MIPOL1: variants seen among roughly 807,000 people sequenced by gnomAD.
MIPOL1 encodes the protein mirror-image polydactyly 1, also known as mirror-image polydactyly gene 1 protein.
In MIPOL1, 57 loss-of-function variants were observed where a neutral mutation model predicts 60.9. The observed-to-expected ratio is 0.94, with a 90% CI of 0.76 to 1.17. The LOEUF is 1.17. Ranked by LOEUF, MIPOL1 falls within the 50% of genes most tolerant of loss-of-function variation. The pLI is 0.00. For synonymous variants in MIPOL1, 179 were observed against 168.8 expected, an observed-to-expected ratio of 1.06 and a Z score of -0.47; for missense variants, 551 against 511.6, an observed-to-expected ratio of 1.08 and a Z score of -0.74.
chr14:37,423,893 C>T (rs917402559), intron 11 of MIPOL1: 1 of 151,958 alleles, frequency 6.6e-6, no homozygotes, highest in African/African-American at 2.4e-5. Flanking sequence ...GCAGCAAGTC[C>T]ATTAACAACT....
chr14:37,443,730 T>A (rs1378278632), intron 11 of MIPOL1, among the ~76,000 whole-genome samples: 1 of 140,740 alleles, frequency 7.1e-6, no homozygotes, highest in African/African-American at 2.8e-5. Context: ...CAGGCCAAAG[T>A]CCTTCATGAT....
chr14:37,364,749 T>G (rs1470597067), intron 9 of MIPOL1, among the ~76,000 whole-genome samples: 1 of 152,194 alleles, frequency 6.6e-6, no homozygotes, highest in Non-Finnish European at 1.5e-5. Flanking sequence ...GTTTTTTCTA[T>G]TTCTGTGAAG....
chr14:37,451,655 A>T (rs1468778184), intron 11 of MIPOL1, among the ~76,000 whole-genome samples: 1 of 152,082 alleles, frequency 6.6e-6, no homozygotes, highest in Non-Finnish European at 1.5e-5. Context: ...AAAAGCATTG[A>T]CATCCAATTG....
chr14:37,380,044 A>G (rs2092884398), intron 10 of MIPOL1, among the ~76,000 whole-genome samples: 1 of 152,086 alleles, frequency 6.6e-6, no homozygotes, highest in Non-Finnish European at 1.5e-5. Context: ...TGGAATTGGG[A>G]TACTGAAAGG....
chr14:37,533,366 A>G (rs2095490690), intron 12 of MIPOL1, among the ~76,000 whole-genome samples: 1 of 152,194 alleles, frequency 6.6e-6, no homozygotes, highest in Admixed American at 6.5e-5. Context: ...GAAAAAGCCT[A>G]TGAGAACAGT....
chr14:37,500,401 T>C (rs1470528455), intron 12 of MIPOL1, among the ~76,000 whole-genome samples: 2 of 152,146 alleles, frequency 1.3e-5, no homozygotes, highest in Non-Finnish European at 2.9e-5. Context: ...GGCCATACTA[T>C]TTAAATCATT....
intron 11 of MIPOL1, among the ~76,000 whole-genome samples, chr14:37,452,897 A>G (rs1010098391): frequency 2.0e-5 from 3 of 152,182 alleles, no homozygotes; most frequent in Non-Finnish European, 4.4e-5. Flanking sequence ...AATGTCAAGT[A>G]GCAGGATGTT....
chr14:37,285,554 C>A, intron 7 of MIPOL1, 107 bp downstream of exon 7: 1 of 1,079,066 alleles, frequency 9.3e-7, no homozygotes, highest in Non-Finnish European at 1.3e-6. Context: ...ATGTGTTACA[C>A]TAGGAAATTG....
chr14:37,491,045 A>G (rs2095040526), intron 11 of MIPOL1, among the ~76,000 whole-genome samples: 1 of 152,208 alleles, frequency 6.6e-6, no homozygotes, highest in Non-Finnish European at 1.5e-5. Context: ...TATGTGTTAT[A>G]TGACAAAATT....
At chr14:37,339,266 A>G (rs939202307) in intron 9 of MIPOL1, among the ~76,000 whole-genome samples, 4 of 152,262 alleles carry the variant, frequency 2.6e-5, no homozygotes. Context: ...ACTACATCAC[A>G]TGCACTATGG....
chr14:37,421,581 T>G (rs2093873641), intron 10 of MIPOL1, among the ~76,000 whole-genome samples: 1 of 152,114 alleles, frequency 6.6e-6, no homozygotes, highest in African/African-American at 2.4e-5. Flanking sequence ...GAATGTTTTA[T>G]CTCTAATTAT....
chr14:37,337,159 T>C (rs946169281), intron 9 of MIPOL1, among the ~76,000 whole-genome samples: 1 of 151,340 alleles, frequency 6.6e-6, no homozygotes, highest in Non-Finnish European at 1.5e-5. Context: ...CAAAACATTG[T>C]TCCATATTGT....
rs868322879 is a variant in MIPOL1, at chr14:37,360,699, C to G, written c.829-8818C>G. 6.9e-4 allele frequency among the ~76,000 whole-genome samples: 105 copies of G among 152,022 alleles called. 1 individual carries two copies. The highest frequency in any genetic ancestry group is 2.4e-3 in the African/African-American group (100 of 41,484). ...CATTTTTTATTGCGTCTGTTTGATT[C>G]TTCCCTCTTTTGTTCTTTATTGGTC... is the stretch of plus-strand genomic sequence containing the variant. On this transcript the variant is annotated intron_variant, in intron 9 of 12. Coordinates refer to ENST00000684589, the MANE Select transcript of MIPOL1 (RefSeq NM_001388067.1).
chr14:37,512,194 G>T (rs893603532), intron 12 of MIPOL1, among the ~76,000 whole-genome samples: 2 of 151,850 alleles, frequency 1.3e-5, no homozygotes, highest in African/African-American at 4.8e-5. Flanking sequence ...GCTGTTTAAA[G>T]TCTTTTCTGC....
intron 1 of MIPOL1, among the ~76,000 whole-genome samples, chr14:37,199,814 C>G (rs1429530040): frequency 6.6e-6 from 1 of 152,152 alleles, no homozygotes; most frequent in Non-Finnish European, 1.5e-5. Flanking sequence ...TGTGAACCAT[C>G]GCGCCTGGCC....
intron 1 of MIPOL1, among the ~76,000 whole-genome samples, chr14:37,239,154 T>C (rs1971970665): frequency 6.6e-6 from 1 of 150,872 alleles, no homozygotes; most frequent in African/African-American, 2.4e-5. Context: ...CACACCTTTC[T>C]CCTGCCTCAG....
At chr14:37,207,312 A>C (rs1435451457) in intron 1 of MIPOL1, among the ~76,000 whole-genome samples, 2 of 151,988 alleles carry the variant, frequency 1.3e-5, no homozygotes, top group East Asian at 3.9e-4. Flanking sequence ...CACCATGTGA[A>C]ATGTGCCTTT....
chr14:37,546,315 G>T (rs776365089), intron 12 of MIPOL1, among the ~76,000 whole-genome samples: 2 of 151,998 alleles, frequency 1.3e-5, no homozygotes, highest in African/African-American at 4.8e-5. Context: ...AAAAAGTCTG[G>T]TTTTATTAGT....
At chr14:37,292,164 AT>A (rs2085135682) in intron 7 of MIPOL1, among the ~76,000 whole-genome samples, 1 of 151,906 alleles carries the variant, frequency 6.6e-6, no homozygotes, top group Non-Finnish European at 1.5e-5. Flanking sequence ...GGACCTCATG[AT>A]CCGCCCGCTT....
Sources: gnomAD v4.1 joint callset for allele counts (sites outside exome capture counted in the v4.1 genomes callset) on GRCh38, gnomAD v4.1.1 for gene constraint, MANE v1.5 for transcripts, NCBI Gene and HGNC (gene_info 2026-07-23, HGNC 2026-07-21) for gene names.